ATP8B4: variants seen among roughly 807,000 people sequenced by gnomAD.
ATP8B4 encodes ATPase phospholipid transporting 8B4 (putative).
ATP8B4 carries 133 observed loss-of-function variants against 145.6 expected under a neutral mutation model. That is an observed-to-expected ratio of 0.91 (90% CI 0.79 to 1.05). ATP8B4 has a LOEUF of 1.05. ATP8B4 is among the 50% of genes least tolerant of loss of function. ATP8B4 has a pLI of 0.00. For synonymous variants in ATP8B4, 507 were observed against 492.9 expected (o/e 1.03, Z -0.38); for missense variants, 1,458 against 1,425.2 (o/e 1.02, Z -0.37).
intron 14 of ATP8B4, among the ~76,000 whole-genome samples, chr15:49,956,782 A>C (rs1232473105): frequency 6.6e-6 from 1 of 152,122 alleles, no homozygotes; most frequent in Non-Finnish European, 1.5e-5. Flanking sequence ...CCTAGCCTCA[A>C]ACAATCCTCC....
chr15:50,044,851 C>T (rs1684449794), intron 4 of ATP8B4, among the ~76,000 whole-genome samples, 159 bp from the exon 5 acceptor site: 1 of 152,158 alleles, frequency 6.6e-6, no homozygotes, highest in African/African-American at 2.4e-5. Flanking sequence ...GGTTATAAGA[C>T]ACATAGAGTA....
At chr15:50,138,388 A>G (rs2153679594) in intron 1 of ATP8B4, among the ~76,000 whole-genome samples, 1 of 103,160 alleles carries the variant, frequency 9.7e-6, no homozygotes, top group Middle Eastern at 4.1e-3. Context: ...TCCATGATAG[A>G]CAGACAGACA....
At chr15:49,908,430 G>A (rs1380742802) in intron 20 of ATP8B4, among the ~76,000 whole-genome samples, 1 of 152,178 alleles carries the variant, frequency 6.6e-6, no homozygotes, top group East Asian at 1.9e-4. Flanking sequence ...AAGGCATCCT[G>A]TCTGGCTGGG....
intron 17 of ATP8B4, 125 bp downstream of exon 17, chr15:49,923,254 A>G: frequency 1.4e-6 from 1 of 716,770 alleles, no homozygotes; most frequent in South Asian, 1.7e-5. Flanking sequence ...TTCCTGTGGA[A>G]CCATTCTCCA....
chr15:50,073,066 CAT>C (rs143818396), intron 3 of ATP8B4, among the ~76,000 whole-genome samples: 4,276 of 129,490 alleles, frequency 0.033, 182 homozygotes, highest in African/African-American at 0.059. Context: ...TACATATACG[CAT>C]ATATATATGT....
At chr15:49,993,223 G>A (rs1473079035) in intron 9 of ATP8B4, among the ~76,000 whole-genome samples, 2 of 151,978 alleles carry the variant, frequency 1.3e-5, no homozygotes, top group Non-Finnish European at 2.9e-5. Flanking sequence ...GATAAAGAAT[G>A]ACAGAAAAGT....
intron 9 of ATP8B4, among the ~76,000 whole-genome samples, chr15:49,990,377 G>C (rs2046959250): frequency 6.6e-6 from 1 of 152,066 alleles, no homozygotes; most frequent in Non-Finnish European, 1.5e-5. Context: ...TACATGTTTG[G>C]AGCACAAAGT....
At chr15:50,139,462 G>A (rs2044178504) in intron 1 of ATP8B4, among the ~76,000 whole-genome samples, 1 of 152,154 alleles carries the variant, frequency 6.6e-6, no homozygotes, top group African/African-American at 2.4e-5. Flanking sequence ...GGGAGGGATA[G>A]CACTAGGACA....
At chr15:50,064,346 A>G (rs1416789943) in intron 3 of ATP8B4, among the ~76,000 whole-genome samples, 1 of 152,134 alleles carries the variant, frequency 6.6e-6, no homozygotes, top group East Asian at 1.9e-4. Flanking sequence ...ACTGCTAGAG[A>G]CACCAAGTCA....
chr15:50,066,802 G>T (rs1011071401), intron 3 of ATP8B4, among the ~76,000 whole-genome samples: 4 of 151,952 alleles, frequency 2.6e-5, no homozygotes, highest in Admixed American at 2.0e-4. Flanking sequence ...AGTTTGTGGG[G>T]TTTTTTTCTG....
At chr15:50,038,454 T>C (rs2051006838) in intron 6 of ATP8B4, among the ~76,000 whole-genome samples, 1 of 152,146 alleles carries the variant, frequency 6.6e-6, no homozygotes, top group African/African-American at 2.4e-5. Context: ...TCATGAAACA[T>C]CTACCACATA....
rs145123141 is a variant in ATP8B4, at chr15:50,112,807, C to T, written c.-42-5799G>A. Among the ~76,000 whole-genome samples the T allele has an allele frequency of 8.5e-5, 13 of 152,176 alleles. No homozygotes were observed. In the East Asian group the frequency reaches 2.3e-3, roughly 27 times the overall value. Reference sequence around the variant, plus strand: ...TCCACCTCCCCAGTCTACTTTTTCTCCTCTTACTCCATCTCCTTCTCTCCC... The same window carrying T: ...TCCACCTCCCCAGTCTACTTTTTCTTCTCTTACTCCATCTCCTTCTCTCCC... On this transcript the variant is annotated intron_variant, in intron 1 of 27. Coordinates refer to ENST00000284509, the MANE Select transcript of ATP8B4 (RefSeq NM_024837.4).
rs1566884700 is a variant in ATP8B4 at position 49,861,473 on chromosome 15, T to TAC, written c.3297+771_3297+772insGT. 6.5e-3 allele frequency among the ~76,000 whole-genome samples: 887 copies of TAC among 135,568 alleles called. 6 individuals carry two copies. Among genetic ancestry groups the TAC allele is most frequent in the African/African-American group, 0.016 (546 of 33,762 alleles). The allele number at this position is 135,568 out of a possible 152,430, so 88.9% of individuals were successfully genotyped here. A position where few individuals can be genotyped will look rare whatever the true frequency, so the allele number is the denominator to read the frequency against. On this transcript the variant is annotated intron_variant, in intron 27 of 27. Transcript: ENST00000284509. ...GTCTGTCTATCTATCTATCTATCTA[T>TAC]CTACCTACCTACCTACCTACCTACC...
At chr15:50,135,147 T>C (rs1382203941) in intron 1 of ATP8B4, among the ~76,000 whole-genome samples, 2 of 152,224 alleles carry the variant, frequency 1.3e-5, no homozygotes, top group Non-Finnish European at 2.9e-5. Flanking sequence ...CTTTAGTCCT[T>C]AGCTGGTTGA....
chr15:50,080,823 G>A (rs528334297), intron 2 of ATP8B4, among the ~76,000 whole-genome samples: 39 of 152,058 alleles, frequency 2.6e-4, no homozygotes, highest in Admixed American at 1.4e-3. Context: ...TAATGAAAGA[G>A]TCCTCATGGG....
chr15:49,945,015 C>T (rs1051129793), intron 14 of ATP8B4, among the ~76,000 whole-genome samples: 6 of 152,002 alleles, frequency 3.9e-5, no homozygotes, highest in Non-Finnish European at 8.8e-5. Flanking sequence ...AAGTGAAATA[C>T]AACATGCCAA....
At chr15:50,045,060 T>G (rs2051610512) in intron 4 of ATP8B4, among the ~76,000 whole-genome samples, 1 of 152,212 alleles carries the variant, frequency 6.6e-6, no homozygotes, top group African/African-American at 2.4e-5. Context: ...AGAGAGATTG[T>G]TTGAACATCT....
At chr15:50,087,391 ACATAT>A (rs1238525461) in intron 2 of ATP8B4, among the ~76,000 whole-genome samples, 5 of 144,734 alleles carry the variant, frequency 3.5e-5, no homozygotes, top group Admixed American at 7.0e-5. Context: ...TATATATTAT[ACATAT>A]CATATATTTA....
chr15:49,939,552 G>C (rs989874727), intron 14 of ATP8B4, among the ~76,000 whole-genome samples: 5 of 152,046 alleles, frequency 3.3e-5, no homozygotes, highest in African/African-American at 1.2e-4. Flanking sequence ...ATTGAAACAA[G>C]AAGAAATTGA....
Sources: gnomAD v4.1 joint callset for allele counts (sites outside exome capture counted in the v4.1 genomes callset) on GRCh38, gnomAD v4.1.1 for gene constraint, MANE v1.5 for transcripts, NCBI Gene and HGNC (gene_info 2026-07-23, HGNC 2026-07-21) for gene names.